The following SHANK2 variants were observed in gnomAD, a reference collection of about 807,000 sequenced individuals.
The protein encoded by SHANK2 is SH3 and multiple ankyrin repeat domains 2, also known as SH3 and multiple ankyrin repeat domains protein 2.
In SHANK2, 43 loss-of-function variants were observed where a neutral mutation model predicts 133.7. That is an observed-to-expected ratio of 0.32 (90% CI 0.25 to 0.41). The LOEUF (loss-of-function observed/expected upper bound fraction) is 0.41. SHANK2 is among the 10% of genes least tolerant of loss of function. SHANK2 has a pLI of 1.00. For missense variants in SHANK2, 1,994 were observed against 2,235.8 expected, an observed-to-expected ratio of 0.89 and a Z score of 2.18; for synonymous variants, 1,017 against 952.8, an observed-to-expected ratio of 1.07 and a Z score of -1.24.
chr11:70,542,095 T>C (rs2059629299), intron 17 of SHANK2, among the ~76,000 whole-genome samples: 1 of 152,222 alleles, frequency 6.6e-6, no homozygotes, highest in Non-Finnish European at 1.5e-5. Flanking sequence ...GGTTGAGTTA[T>C]TGCAGAGAAG....
intron 11 of SHANK2, among the ~76,000 whole-genome samples, chr11:70,831,073 G>A (rs1948717511): frequency 6.6e-6 from 1 of 152,194 alleles, no homozygotes. Flanking sequence ...AGAGATTGGA[G>A]GGGAAGAACT....
chr11:70,831,389 T>C (rs1296126660), intron 11 of SHANK2, among the ~76,000 whole-genome samples: 2 of 151,996 alleles, frequency 1.3e-5, no homozygotes, highest in Non-Finnish European at 2.9e-5. Context: ...AACCCCAAAC[T>C]CTCAGCCACC....
chr11:70,799,236 A>G (rs1947990206), intron 13 of SHANK2, among the ~76,000 whole-genome samples: 2 of 152,056 alleles, frequency 1.3e-5, no homozygotes, highest in Non-Finnish European at 2.9e-5. Flanking sequence ...CGTCTCTACT[A>G]AAAATACAAA....
In SHANK2 at chr11:70,511,498, C is replaced by T. The variant is rs560502077; in HGVS notation, c.2062-8567G>A. ...GGCATCTTGAGCTTCCATGGGGTTTCGGTGCCCCTCAAAAAACCTGGACCT... is the reference window on the plus strand; with the variant it reads ...GGCATCTTGAGCTTCCATGGGGTTTTGGTGCCCCTCAAAAAACCTGGACCT... On this transcript the variant is annotated intron_variant, in intron 17 of 25. Coordinates refer to ENST00000601538, the MANE Select transcript of SHANK2 (RefSeq NM_012309.5). Among the ~76,000 whole-genome samples, 43 of 152,266 alleles carry T rather than the reference C, an allele frequency of 2.8e-4. 1 individual carries two copies. The South Asian group carries it at 3.5e-3, about 13-fold the overall frequency.
chr11:71,211,448 G>C (rs181746492), intron 2 of SHANK2, among the ~76,000 whole-genome samples: 189 of 151,958 alleles, frequency 1.2e-3, no homozygotes, highest in African/African-American at 4.3e-3. Context: ...TGAGGCGAGA[G>C]AATCACTTCA....
intron 10 of SHANK2, among the ~76,000 whole-genome samples, chr11:70,913,226 T>C (rs1950221531): frequency 6.6e-6 from 1 of 152,132 alleles, no homozygotes; most frequent in African/African-American, 2.4e-5. Context: ...AAACTTATTA[T>C]ATAAAGAGAT....
intron 1 of SHANK2, among the ~76,000 whole-genome samples, chr11:71,225,218 G>A (rs1431810074): frequency 6.6e-6 from 1 of 152,172 alleles, no homozygotes; most frequent in Non-Finnish European, 1.5e-5. Context: ...TTAGACAACA[G>A]GTCTACTCCA....
rs782270817 is a variant in SHANK2 at position 71,113,345 on chromosome 11, A to C, written c.431T>G (p.Val144Gly). 2.6e-6 allele frequency: 4 copies of C among 1,551,684 alleles called. No homozygotes were observed. Among genetic ancestry groups the C allele is most frequent in the Non-Finnish European group, 3.5e-6 (4 of 1,147,008 alleles). Reference protein sequence around the residue: ...PSLEFRYKKRVYKQASLDEKQ... With the variant: ...PSLEFRYKKRGYKQASLDEKQ... Reference sequence around the variant, plus strand: ...CTCATCGAGACTGGCTTGTTTATACACCCGCTTCTTGTATCGAAACTGGCA... The same window carrying C: ...CTCATCGAGACTGGCTTGTTTATACCCCCGCTTCTTGTATCGAAACTGGCA... The change falls in exon 5 of 26, where the codon GTG becomes GGG. Residue 144 changes from valine to glycine, a missense_variant. Coordinates refer to ENST00000601538, the MANE Select transcript of SHANK2 (RefSeq NM_012309.5).
chr11:71,238,063 C>T (rs1255704278), intron 1 of SHANK2, among the ~76,000 whole-genome samples: 1 of 152,168 alleles, frequency 6.6e-6, no homozygotes, highest in Non-Finnish European at 1.5e-5. Flanking sequence ...CTCAGGGGGC[C>T]CCCAATGTTG....
At chr11:71,198,887 T>C (rs1006590603) in intron 2 of SHANK2, among the ~76,000 whole-genome samples, 16 of 152,344 alleles carry the variant, frequency 1.1e-4, no homozygotes, top group African/African-American at 3.6e-4. Flanking sequence ...GGCAGTCTCC[T>C]TAGACTGCAG....
chr11:70,645,344 G>A (rs1184908391), intron 17 of SHANK2, among the ~76,000 whole-genome samples: 1 of 152,102 alleles, frequency 6.6e-6, no homozygotes, highest in Admixed American at 6.5e-5. Flanking sequence ...GTCTAGGGGG[G>A]CTATAGGCTG....
intron 14 of SHANK2, among the ~76,000 whole-genome samples, chr11:70,775,326 C>T (rs188369145): frequency 3.7e-4 from 56 of 152,164 alleles, no homozygotes; most frequent in Admixed American, 2.4e-3. Context: ...GGCATTGGCA[C>T]GTGTTTGTAA....
At chr11:70,836,384 G>A (rs1555060056) in intron 11 of SHANK2, among the ~76,000 whole-genome samples, 1 of 152,212 alleles carries the variant, frequency 6.6e-6, no homozygotes, top group African/African-American at 2.4e-5. Flanking sequence ...GAGCCTGCAA[G>A]TTGGAGAAAG....
intron 15 of SHANK2, among the ~76,000 whole-genome samples, chr11:70,663,105 G>A (rs1180259693): frequency 4.6e-5 from 7 of 152,146 alleles, no homozygotes; most frequent in African/African-American, 7.2e-5. Flanking sequence ...CGGCCCAGCC[G>A]GAAAAAGCTG....
intron 12 of SHANK2, among the ~76,000 whole-genome samples, chr11:70,816,217 G>A (rs1357985422): frequency 3.9e-5 from 6 of 152,362 alleles, no homozygotes; most frequent in East Asian, 1.9e-4. Context: ...CAGCACACTC[G>A]GGAGGGGGTG....
chr11:70,559,210 G>C (rs1554980312), intron 17 of SHANK2, among the ~76,000 whole-genome samples: 1 of 151,944 alleles, frequency 6.6e-6, no homozygotes, highest in Non-Finnish European at 1.5e-5. Flanking sequence ...AGTAGAGATG[G>C]GGTTTCACCA....
At chr11:70,478,102 C>G (rs1474672809) in intron 25 of SHANK2, among the ~76,000 whole-genome samples, 1 of 151,746 alleles carries the variant, frequency 6.6e-6, no homozygotes, top group Admixed American at 6.6e-5. Flanking sequence ...CTTATTTCAT[C>G]AGTCAGTACA....
intron 10 of SHANK2, among the ~76,000 whole-genome samples, chr11:70,905,681 C>A (rs1950090965): frequency 6.6e-6 from 1 of 152,200 alleles, no homozygotes; most frequent in African/African-American, 2.4e-5. Flanking sequence ...AGCAAGAAGA[C>A]CACCATCCAG....
In SHANK2 at chr11:70,909,677, T is replaced by C. The variant is rs188357789; in HGVS notation, c.1108-13110A>G. ...TAGGAGAAGGCAGGCATTACACACATGGCTTTGTGTGGCTCTAACTACAGA... is the reference window on the plus strand; with the variant it reads ...TAGGAGAAGGCAGGCATTACACACACGGCTTTGTGTGGCTCTAACTACAGA... On this transcript the variant is annotated intron_variant, in intron 10 of 25. Transcript: ENST00000601538. 1.5e-3 allele frequency among the ~76,000 whole-genome samples: 224 copies of C among 152,294 alleles called. 1 individual carries two copies. Among genetic ancestry groups the C allele is most frequent in the Non-Finnish European group, 2.7e-3 (181 of 68,024 alleles).
Sources: gnomAD v4.1 joint callset for allele counts (sites outside exome capture counted in the v4.1 genomes callset) on GRCh38, gnomAD v4.1.1 for gene constraint, MANE v1.5 for transcripts, NCBI Gene and HGNC (gene_info 2026-07-23, HGNC 2026-07-21) for gene names.